Variants in MIB1 observed in about 807,000 individuals in gnomAD.
MIB1 encodes MIB E3 ubiquitin protein ligase 1.
A neutral mutation model predicts 124.5 loss-of-function variants in MIB1; 278 were observed. The observed-to-expected ratio is 2.23, with a 90% CI of 2.02 to 2.47. The LOEUF is 2.47. Among genes scored for constraint, MIB1 ranks in the 30% most tolerant of loss-of-function variants. The probability of loss-of-function intolerance (pLI) is 0.00; values close to 1 mark genes in which losing one functional copy is unlikely to be tolerated. For synonymous variants in MIB1, 446 were observed against 429.4 expected, an observed-to-expected ratio of 1.04 and a Z score of -0.48; for missense variants, 957 against 1,254.4, an observed-to-expected ratio of 0.76 and a Z score of 3.58.
At chr18:21,715,815 GA>G (rs1052618811) in intron 1 of MIB1, among the ~76,000 whole-genome samples, 8 of 151,902 alleles carry the variant, frequency 5.3e-5, no homozygotes, top group Admixed American at 4.6e-4. Context: ...CAAAAACAAA[GA>G]AAAAAGAATA....
intron 12 of MIB1, among the ~76,000 whole-genome samples, chr18:21,837,643 T>C (rs981163560): frequency 6.6e-6 from 1 of 152,262 alleles, no homozygotes; most frequent in African/African-American, 2.4e-5. Flanking sequence ...GGTTGGAGTT[T>C]AAATCTTTAA....
intron 1 of MIB1, among the ~76,000 whole-genome samples, chr18:21,765,094 C>T (rs1185548441): frequency 1.3e-5 from 2 of 152,086 alleles, no homozygotes; most frequent in Non-Finnish European, 2.9e-5. Flanking sequence ...TATATTGGTA[C>T]CTTTTATAGT....
At chr18:21,855,724 T>C (rs1266453323) in intron 18 of MIB1, among the ~76,000 whole-genome samples, 2 of 152,214 alleles carry the variant, frequency 1.3e-5, no homozygotes, top group African/African-American at 2.4e-5. Flanking sequence ...TCAGTGGTTT[T>C]GTGCTTTGTT....
chr18:21,776,079 C>A (rs977795976), intron 4 of MIB1, among the ~76,000 whole-genome samples: 1 of 151,976 alleles, frequency 6.6e-6, no homozygotes, highest in African/African-American at 2.4e-5. Context: ...CCAACCTGGG[C>A]AATGTGGCAA....
At chr18:21,842,091 CAA>C (rs376834305) in intron 13 of MIB1, among the ~76,000 whole-genome samples, 23 of 35,660 alleles carry the variant, frequency 6.4e-4, no homozygotes, top group African/African-American at 2.1e-3. Context: ...GACCCTATCT[CAA>C]AAAAAAAAAA....
chr18:21,805,222 G>A (rs1237698773), intron 10 of MIB1, among the ~76,000 whole-genome samples: 2 of 151,778 alleles, frequency 1.3e-5, no homozygotes, highest in East Asian at 3.9e-4. Flanking sequence ...CATGTTGGCC[G>A]GGGTGGTCTC....
intron 7 of MIB1, chr18:21,793,838 A>C (rs2041540161): frequency 6.5e-6 from 1 of 153,418 alleles, no homozygotes; most frequent in African/African-American, 2.4e-5. Flanking sequence ...TACGTGCAGA[A>C]AAATGATGAA....
intron 9 of MIB1, among the ~76,000 whole-genome samples, chr18:21,802,974 A>T (rs2041665797): frequency 6.6e-6 from 1 of 152,104 alleles, no homozygotes; most frequent in Admixed American, 6.6e-5. Context: ...TGCACATCAG[A>T]CTTATACCTG....
intron 1 of MIB1, among the ~76,000 whole-genome samples, chr18:21,744,169 A>C (rs1341143519): frequency 6.9e-6 from 1 of 144,988 alleles, no homozygotes; most frequent in African/African-American, 2.6e-5. Context: ...CCCCAGGACT[A>C]TAATACTACT....
Position 21,784,828 on chromosome 18 carries a change from C to T in MIB1, c.908+5143C>T, listed in dbSNP as rs928591654. ...CCGGGAAAGGGAGTCTCCCTTTCCC[C>T]GGAGGAGTTAGAGAAGACTCTGCTC... On this transcript the variant is annotated intron_variant, in intron 6 of 20. Transcript: ENST00000261537. 7.2e-5 allele frequency among the ~76,000 whole-genome samples: 11 copies of T among 151,956 alleles called. No individual in the cohort carries two copies. In the East Asian group the frequency reaches 7.8e-4, roughly 11 times the overall value.
At chr18:21,843,021 A>G in intron 13 of MIB1, 110 bp from the exon 14 acceptor site, 3 of 674,806 alleles carry the variant, frequency 4.4e-6, no homozygotes, top group Non-Finnish European at 7.2e-6. Flanking sequence ...GCTGAAGGAG[A>G]AAGTAGCCAG....
At chr18:21,728,367 C>A (rs2040752323) in intron 1 of MIB1, among the ~76,000 whole-genome samples, 3 of 152,100 alleles carry the variant, frequency 2.0e-5, no homozygotes, top group African/African-American at 7.2e-5. Flanking sequence ...GTTGTGGGCA[C>A]CTGTAATCCC....
rs5823315 is a variant in MIB1 at position 21,856,236 on chromosome 18, C to CAA, written c.2666-885_2666-884dup. ...TGGGCGACAGAGCGAGACTCCGTCT[C>CAA]AAAAAAAAAACAAAAAACAAAAAAC... is the stretch of plus-strand genomic sequence containing the variant. On this transcript the variant is annotated intron_variant, in intron 18 of 20. Coordinates refer to ENST00000261537, the MANE Select transcript of MIB1 (RefSeq NM_020774.4). Among the ~76,000 whole-genome samples, 603 of 122,990 alleles carry CAA rather than the reference C, an allele frequency of 4.9e-3. 14 individuals carry two copies. The highest frequency in any genetic ancestry group is 0.018 in the African/African-American group (565 of 31,938). The allele number at this position is 122,990 out of a possible 152,430, so 80.7% of individuals were successfully genotyped here. A position where few individuals can be genotyped will look rare whatever the true frequency, so the allele number is the denominator to read the frequency against.
At chr18:21,838,257 TA>T in intron 12 of MIB1, 107 bp from the exon 13 acceptor site, 1 of 682,424 alleles carries the variant, frequency 1.5e-6, no homozygotes, top group Non-Finnish European at 2.3e-6. Context: ...TATTTGTCTC[TA>T]AGAGCATTTT....
At chr18:21,771,798 C>G (rs1598602507) in intron 3 of MIB1, among the ~76,000 whole-genome samples, 1 of 151,704 alleles carries the variant, frequency 6.6e-6, no homozygotes, top group East Asian at 1.9e-4. Context: ...AGTTTGAGAC[C>G]AGCCTGGCCA....
intron 1 of MIB1, among the ~76,000 whole-genome samples, chr18:21,731,941 C>T (rs1470523451): frequency 6.6e-6 from 1 of 151,770 alleles, no homozygotes; most frequent in Non-Finnish European, 1.5e-5. Flanking sequence ...CCCTAAAGAA[C>T]GGAGGGTACT....
At chr18:21,777,404 G>GTC (rs2041302288) in intron 4 of MIB1, among the ~76,000 whole-genome samples, 1 of 151,998 alleles carries the variant, frequency 6.6e-6, no homozygotes, top group African/African-American at 2.4e-5. Context: ...GCAAGACTCT[G>GTC]TCACACACAC....
chr18:21,744,451 T>C (rs1484383471), intron 1 of MIB1, among the ~76,000 whole-genome samples: 1 of 152,208 alleles, frequency 6.6e-6, no homozygotes, highest in African/African-American at 2.4e-5. Flanking sequence ...TTAACACTAA[T>C]ACGGTAATAC....
intron 1 of MIB1, among the ~76,000 whole-genome samples, chr18:21,707,629 A>C (rs1317889927): frequency 6.6e-6 from 1 of 152,110 alleles, no homozygotes; most frequent in Non-Finnish European, 1.5e-5. Flanking sequence ...AACACATCCG[A>C]AGATCAGAAG....
Sources: gnomAD v4.1 joint callset for allele counts (sites outside exome capture counted in the v4.1 genomes callset) on GRCh38, gnomAD v4.1.1 for gene constraint, MANE v1.5 for transcripts, NCBI Gene and HGNC (gene_info 2026-07-23, HGNC 2026-07-21) for gene names.